The following NME7 variants were observed in gnomAD, a reference collection of about 807,000 sequenced individuals.
NME7 encodes the protein NME/NM23 family member 7, also known as nucleoside diphosphate kinase 7.
Under a neutral mutation model 49.1 loss-of-function variants are expected in NME7, and 41 were observed. That is an observed-to-expected ratio of 0.83 (90% CI 0.65 to 1.08). NME7 has a LOEUF of 1.08. Ranked by LOEUF, NME7 falls within the 50% of genes least tolerant of loss-of-function variation. NME7 has a pLI of 0.00. For synonymous variants in NME7, 139 were observed against 150.6 expected, an observed-to-expected ratio of 0.92 and a Z score of 0.56; for missense variants, 423 against 463.4, an observed-to-expected ratio of 0.91 and a Z score of 0.80.
chr1:169,310,210 T>C (rs1651333015), intron 3 of NME7, 130 bp from the exon 4 acceptor site: 3 of 589,658 alleles, frequency 5.1e-6, no homozygotes, highest in Admixed American at 3.9e-5. Flanking sequence ...TATAGAAAAG[T>C]GTATTAAAGA....
intron 11 of NME7, among the ~76,000 whole-genome samples, chr1:169,157,191 TA>T (rs1659102688): frequency 1.3e-5 from 2 of 152,126 alleles, no homozygotes; most frequent in African/African-American, 2.4e-5. Flanking sequence ...TTCCGCCACA[TA>T]AAGAGAGAGA....
At chr1:169,142,464 T>C (rs1658623649) in intron 11 of NME7, among the ~76,000 whole-genome samples, 2 of 152,148 alleles carry the variant, frequency 1.3e-5, no homozygotes, top group South Asian at 4.1e-4. Flanking sequence ...TAACTGGTAA[T>C]CAAAAAAGAA....
At chr1:169,158,253 G>A (rs1372423259) in intron 11 of NME7, among the ~76,000 whole-genome samples, 1 of 152,164 alleles carries the variant, frequency 6.6e-6, no homozygotes, top group African/African-American at 2.4e-5. Context: ...ATATGTATGA[G>A]AGATAAAGTT....
In NME7 at chr1:169,228,400, G is replaced by A. The variant is rs377046319; in HGVS notation, c.990+2318C>T. Reference sequence around the variant, plus strand: ...CTTACCTTAAAAAAAAGTACAGGCCGGGCACGGTGGCTCACGCCTGTAATC... The same window carrying A: ...CTTACCTTAAAAAAAAGTACAGGCCAGGCACGGTGGCTCACGCCTGTAATC... On this transcript the variant is annotated intron_variant, in intron 10 of 11. Coordinates refer to ENST00000367811, the MANE Select transcript of NME7 (RefSeq NM_013330.5). Among the ~76,000 whole-genome samples, 12 of 152,046 alleles carry A rather than the reference G, an allele frequency of 7.9e-5. No individual in the cohort carries two copies. The East Asian group carries it at 1.4e-3, about 17-fold the overall frequency.
rs1262661454 is a variant in NME7 at position 169,261,935 on chromosome 1, T to TAGTCCCACGTCCC, written c.755-24249_755-24248insGGGACGTGGGACT. 3.9e-4 allele frequency among the ~76,000 whole-genome samples: 52 copies of TAGTCCCACGTCCC among 134,484 alleles called. 3 individuals carry two copies. Among genetic ancestry groups the TAGTCCCACGTCCC allele is most frequent in the African/African-American group, 1.2e-3 (48 of 39,866 alleles). 88.2% of individuals were successfully genotyped at this position (134,484 alleles called of 152,430 possible). A position where few individuals can be genotyped will look rare whatever the true frequency, so the allele number is the denominator to read the frequency against. ...GTCACAATACTACTGGTTCAGGTTC[T>TAGTCCCACGTCCC]AGTCTCACGTCCCAACCACATGAAG... On this transcript the variant is annotated intron_variant, in intron 7 of 11. Coordinates refer to ENST00000367811, the MANE Select transcript of NME7 (RefSeq NM_013330.5).
intron 7 of NME7, among the ~76,000 whole-genome samples, chr1:169,240,049 T>C (rs1648014439): frequency 6.6e-6 from 1 of 152,006 alleles, no homozygotes; most frequent in South Asian, 2.1e-4. Flanking sequence ...TCTCTATCAA[T>C]ATTTATTATA....
At chr1:169,277,062 A>T (rs1157718616) in intron 7 of NME7, among the ~76,000 whole-genome samples, 1 of 150,376 alleles carries the variant, frequency 6.6e-6, no homozygotes. Context: ...ACAGTTTGTT[A>T]TAATTTCTGT....
At chr1:169,190,255 G>A (rs1353629366) in intron 10 of NME7, among the ~76,000 whole-genome samples, 1 of 151,900 alleles carries the variant, frequency 6.6e-6, no homozygotes, top group Non-Finnish European at 1.5e-5. Context: ...GGAACACTAT[G>A]CAGCTGTTAA....
At chr1:169,303,856 A>C (rs1203135427) in intron 4 of NME7, among the ~76,000 whole-genome samples, 1 of 152,192 alleles carries the variant, frequency 6.6e-6, no homozygotes, top group Non-Finnish European at 1.5e-5. Flanking sequence ...TGCATCAAAA[A>C]AATGCAAAGC....
At chr1:169,320,076 T>C (rs1197331354) in intron 3 of NME7, among the ~76,000 whole-genome samples, 1 of 152,194 alleles carries the variant, frequency 6.6e-6, no homozygotes, top group African/African-American at 2.4e-5. Flanking sequence ...CATATACATA[T>C]TGACTCATCA....
intron 10 of NME7, among the ~76,000 whole-genome samples, chr1:169,174,949 T>C (rs570457886): frequency 2.2e-4 from 34 of 152,312 alleles, no homozygotes; most frequent in African/African-American, 7.7e-4. Flanking sequence ...ATTTCTTCAA[T>C]AGTAAATTAA....
intron 8 of NME7, among the ~76,000 whole-genome samples, chr1:169,235,882 T>G (rs1465306315): frequency 6.6e-6 from 1 of 152,134 alleles, no homozygotes; most frequent in Non-Finnish European, 1.5e-5. Flanking sequence ...AGGCTGAATT[T>G]AAATTTAGTT....
At chr1:169,171,913 T>A (rs1659608483) in intron 10 of NME7, among the ~76,000 whole-genome samples, 1 of 150,476 alleles carries the variant, frequency 6.6e-6, no homozygotes, top group South Asian at 2.1e-4. Flanking sequence ...CAGAAGGGGG[T>A]GCTACCATTT....
intron 7 of NME7, among the ~76,000 whole-genome samples, chr1:169,241,346 C>T (rs144606745): frequency 4.0e-4 from 61 of 151,882 alleles, no homozygotes; most frequent in African/African-American, 1.4e-3. Flanking sequence ...GTTTTGTTCA[C>T]CATCGCTTTT....
At chr1:169,137,251 G>C (rs1002978877) in intron 11 of NME7, among the ~76,000 whole-genome samples, 2 of 152,168 alleles carry the variant, frequency 1.3e-5, no homozygotes, top group African/African-American at 4.8e-5. Context: ...CTTGTGTTTG[G>C]TTTAATGCTC....
In NME7 at chr1:169,339,737, C is replaced by A. The variant is rs137953954; in HGVS notation, c.4-15237G>T. ...CTGCTCTTCTCCATCCTGTTCTAAGCCTGGTCAGCTGACCTCCATGAACTT... is the reference window on the plus strand; with the variant it reads ...CTGCTCTTCTCCATCCTGTTCTAAGACTGGTCAGCTGACCTCCATGAACTT... On this transcript the variant is annotated intron_variant, in intron 1 of 11. Transcript: ENST00000367811. Among the ~76,000 whole-genome samples the A allele has an allele frequency of 2.3e-3, 347 of 152,298 alleles. 1 individual carries two copies. Among genetic ancestry groups the A allele is most frequent in the East Asian group, 0.013 (67 of 5,176 alleles).
intron 6 of NME7, among the ~76,000 whole-genome samples, chr1:169,293,984 G>A (rs1311630337): frequency 5.3e-5 from 8 of 151,326 alleles, no homozygotes; most frequent in Non-Finnish European, 1.0e-4. Flanking sequence ...TTTTCTAACT[G>A]GTTATTTCAA....
At chr1:169,281,391 T>C (rs1239150477) in intron 7 of NME7, among the ~76,000 whole-genome samples, 3 of 152,220 alleles carry the variant, frequency 2.0e-5, no homozygotes, top group Non-Finnish European at 4.4e-5. Flanking sequence ...AATAATGTCA[T>C]CTGTAAACAG....
intron 3 of NME7, among the ~76,000 whole-genome samples, chr1:169,319,208 T>C (rs1651765967): frequency 6.6e-6 from 1 of 152,098 alleles, no homozygotes; most frequent in Admixed American, 6.6e-5. Context: ...TTTTATGACA[T>C]TTCCTTCCAA....
Sources: allele counts gnomAD v4.1 joint callset (sites outside exome capture counted in the v4.1 genomes callset), GRCh38; gene constraint gnomAD v4.1.1; transcripts MANE v1.5; gene names NCBI Gene and HGNC (gene_info 2026-07-23, HGNC 2026-07-21).